Variants in ARHGAP42 observed in about 807,000 individuals in gnomAD.
The protein encoded by ARHGAP42 is rho GTPase-activating protein 42.
A neutral mutation model predicts 125.0 loss-of-function variants in ARHGAP42; 63 were observed. The observed-to-expected ratio is 0.50, with a 90% CI of 0.41 to 0.62. ARHGAP42 has a LOEUF of 0.62. ARHGAP42 is among the 20% of genes least tolerant of loss of function. The pLI is 0.00. For missense variants in ARHGAP42, 766 were observed against 1,024.2 expected (o/e 0.75, Z 3.44); for synonymous variants, 339 against 351.0 (o/e 0.97, Z 0.38).
intron 1 of ARHGAP42, among the ~76,000 whole-genome samples, chr11:100,749,693 T>A (rs939942061): frequency 2.0e-5 from 3 of 152,220 alleles, no homozygotes; most frequent in Non-Finnish European, 4.4e-5. Flanking sequence ...CCGCAGGATC[T>A]GCCTTAAGCC....
chr11:100,861,338 T>G (rs1246587093), intron 4 of ARHGAP42, among the ~76,000 whole-genome samples: 1 of 152,186 alleles, frequency 6.6e-6, no homozygotes. Context: ...AGAGGCCACG[T>G]GTGCAGCTTT....
chr11:100,917,032 TGTGTGTG>T (rs2135237301), intron 5 of ARHGAP42, among the ~76,000 whole-genome samples: 1 of 151,578 alleles, frequency 6.6e-6, no homozygotes, highest in African/African-American at 2.4e-5. Flanking sequence ...TGTGTGTGTG[TGTGTGTG>T]TGTGTGTGTG....
rs1365062515 is a variant in ARHGAP42 at position 100,990,156 on chromosome 11, G to A, written c.*1355G>A. On this transcript the variant is annotated 3_prime_UTR_variant, in exon 24 of 24. Coordinates refer to ENST00000298815, the MANE Select transcript of ARHGAP42 (RefSeq NM_152432.4). ...TTCTATAAATGTAATATCTGTATGTGGCAAAGAGCCTTTCTTCTCAAGATC... is the reference window on the plus strand; with the variant it reads ...TTCTATAAATGTAATATCTGTATGTAGCAAAGAGCCTTTCTTCTCAAGATC... 2.0e-5 allele frequency: 3 copies of A among 151,996 alleles called. No homozygotes were observed. The highest frequency in any genetic ancestry group is 4.4e-5 in the Non-Finnish European group (3 of 68,014). The allele number at this position is 151,996 out of a possible 1,614,324, so 9.4% of individuals were successfully genotyped here.
chr11:100,873,840 G>A (rs971361557), intron 4 of ARHGAP42, among the ~76,000 whole-genome samples: 1 of 152,176 alleles, frequency 6.6e-6, no homozygotes, highest in African/African-American at 2.4e-5. Flanking sequence ...AACGCAGGCA[G>A]TTTAACTCTA....
intron 1 of ARHGAP42, among the ~76,000 whole-genome samples, chr11:100,766,129 A>C (rs1433005398): frequency 6.6e-6 from 1 of 152,114 alleles, no homozygotes; most frequent in Non-Finnish European, 1.5e-5. Context: ...TGACTAATTA[A>C]AGCCCAGTGT....
intron 4 of ARHGAP42, among the ~76,000 whole-genome samples, chr11:100,912,408 T>A (rs559899726): frequency 6.6e-6 from 1 of 152,112 alleles, no homozygotes; most frequent in South Asian, 2.1e-4. Flanking sequence ...TTAAAAAAAA[T>A]CAGTTCCAGA....
At chr11:100,721,282 T>C (rs1002751015) in intron 1 of ARHGAP42, among the ~76,000 whole-genome samples, 3 of 152,144 alleles carry the variant, frequency 2.0e-5, no homozygotes, top group Admixed American at 2.0e-4. Context: ...TTTTCTCACC[T>C]AACCCAGGGC....
rs190286583 is a variant in ARHGAP42 at position 100,982,482 on chromosome 11, C to T, written c.2456+3433C>T. On this transcript the variant is annotated intron_variant, in intron 22 of 23. Transcript: ENST00000298815. ...GAGAAAAATGTCATAGTGCCCGGCA[C>T]AGCCCTAAGCAGACATTGGTTATTT... Among the ~76,000 whole-genome samples, 55 of 152,300 alleles carry T rather than the reference C, an allele frequency of 3.6e-4. No individual in the cohort carries two copies. In the East Asian group the frequency reaches 0.01, roughly 29 times the overall value.
chr11:100,705,013 C>CAAAAAAAAAAAAAAAAA (rs1211966921), intron 1 of ARHGAP42, among the ~76,000 whole-genome samples: 1 of 54,774 alleles, frequency 1.8e-5, no homozygotes, highest in Non-Finnish European at 3.6e-5. Flanking sequence ...ACAACAACAA[C>CAAAAAAAAAAAAAAAAA]AAAAAAAAAA....
At chr11:100,852,992 A>G (rs904664252) in intron 3 of ARHGAP42, among the ~76,000 whole-genome samples, 2 of 152,196 alleles carry the variant, frequency 1.3e-5, no homozygotes, top group Admixed American at 1.3e-4. Context: ...AGGGTGCAAC[A>G]TTTCTTAAAT....
chr11:100,794,075 CAAAAAAAAAAAAAA>C (rs869272420), intron 2 of ARHGAP42, among the ~76,000 whole-genome samples: 801 of 44,778 alleles, frequency 0.018, 9 homozygotes, highest in African/African-American at 0.05. Flanking sequence ...GACCCTGTCT[CAAAAAAAAAAAAAA>C]AAAAAAAAAA....
intron 4 of ARHGAP42, among the ~76,000 whole-genome samples, chr11:100,889,510 GTA>G (rs556505600): frequency 0.019 from 2,820 of 152,204 alleles, 92 homozygotes; most frequent in African/African-American, 0.064. Context: ...TCCCAGAACT[GTA>G]ATAAATAAAC....
intron 12 of ARHGAP42, among the ~76,000 whole-genome samples, chr11:100,951,279 A>G (rs1857641108): frequency 6.6e-6 from 1 of 152,028 alleles, no homozygotes; most frequent in Non-Finnish European, 1.5e-5. Flanking sequence ...TTATTCTCAC[A>G]TTTACTTCCT....
At chr11:100,785,144 G>A (rs1277604987) in intron 2 of ARHGAP42, among the ~76,000 whole-genome samples, 2 of 152,188 alleles carry the variant, frequency 1.3e-5, no homozygotes, top group Non-Finnish European at 1.5e-5. Flanking sequence ...GGGAAAGAGA[G>A]AGAGGGAGAA....
intron 22 of ARHGAP42, among the ~76,000 whole-genome samples, chr11:100,982,664 A>G (rs1858574263): frequency 6.6e-6 from 1 of 152,226 alleles, no homozygotes; most frequent in African/African-American, 2.4e-5. Flanking sequence ...AGTAGTATAA[A>G]CAGGCAAGCT....
At chr11:100,770,542 G>A in intron 2 of ARHGAP42, 104 bp downstream of exon 2, 1 of 898,420 alleles carries the variant, frequency 1.1e-6, no homozygotes, top group Non-Finnish European at 1.6e-6. Context: ...TTCTGACTTT[G>A]ACAATACTAT....
rs148968242 is a variant in ARHGAP42, at chr11:100,932,136, T to C, written c.598-1020T>C. 3.2e-3 allele frequency among the ~76,000 whole-genome samples: 489 copies of C among 152,276 alleles called. 2 individuals carry two copies. The highest frequency in any genetic ancestry group is 0.011 in the African/African-American group (467 of 41,570). ...GGTCATTGTTTTCAGATAGAACCAGTGTTTATCTGTTGGAAATCATAGCAC... is the reference window on the plus strand; with the variant it reads ...GGTCATTGTTTTCAGATAGAACCAGCGTTTATCTGTTGGAAATCATAGCAC... On this transcript the variant is annotated intron_variant, in intron 6 of 23. Coordinates refer to ENST00000298815, the MANE Select transcript of ARHGAP42 (RefSeq NM_152432.4).
chr11:100,769,423 G>A (rs1862917010), intron 1 of ARHGAP42, among the ~76,000 whole-genome samples: 1 of 151,986 alleles, frequency 6.6e-6, no homozygotes, highest in African/African-American at 2.4e-5. Context: ...TATTATTCTG[G>A]GCTTTTCTTT....
intron 11 of ARHGAP42, among the ~76,000 whole-genome samples, chr11:100,948,966 C>G (rs1381488296): frequency 6.6e-6 from 1 of 152,044 alleles, no homozygotes; most frequent in Non-Finnish European, 1.5e-5. Context: ...ATAAAACTGC[C>G]TGTGGCTTGA....
Sources: gnomAD v4.1 joint callset for allele counts (sites outside exome capture counted in the v4.1 genomes callset) on GRCh38, gnomAD v4.1.1 for gene constraint, MANE v1.5 for transcripts, NCBI Gene and HGNC (gene_info 2026-07-23, HGNC 2026-07-21) for gene names.